Variants in TRHDE observed in about 807,000 individuals in gnomAD.
TRHDE encodes thyrotropin releasing hormone degrading enzyme.
In TRHDE, 72 loss-of-function variants were observed where a neutral mutation model predicts 125.7. The ratio of observed to expected loss-of-function variants is 0.57; its 90% confidence interval spans 0.47 to 0.70. The LOEUF (loss-of-function observed/expected upper bound fraction) is 0.70. Among genes scored for constraint, TRHDE ranks in the 30% least tolerant of loss-of-function variants. The probability of loss-of-function intolerance (pLI) is 0.00; values close to 1 mark genes in which losing one functional copy is unlikely to be tolerated. For missense variants in TRHDE, 1,110 were observed against 1,327.1 expected, an observed-to-expected ratio of 0.84 and a Z score of 2.54; for synonymous variants, 509 against 509.1, an observed-to-expected ratio of 1.00 and a Z score of 0.00.
At chr12:72,121,288 G>C (rs948578706) in intron 2 of TRHDE, among the ~76,000 whole-genome samples, 1 of 152,126 alleles carries the variant, frequency 6.6e-6, no homozygotes, top group Non-Finnish European at 1.5e-5. Context: ...ACCAAGACTT[G>C]TACAGGAATT....
chr12:72,216,310 A>G (rs940879640), intron 2 of TRHDE, among the ~76,000 whole-genome samples: 3 of 148,170 alleles, frequency 2.0e-5, no homozygotes, highest in Admixed American at 6.7e-5. Flanking sequence ...TTTACTGAGC[A>G]TTGTCAACCC....
chr12:72,371,459 T>C lies in TRHDE; in HGVS notation c.1189-6536T>C, dbSNP rs533415619. Among the ~76,000 whole-genome samples the C allele has an allele frequency of 2.0e-5, 3 of 151,906 alleles. No homozygotes were observed. The East Asian group carries it at 5.8e-4, about 29-fold the overall frequency. Reference sequence around the variant, plus strand: ...ACAATGTGCAGGTTAGTTATATATGTATACATGTGCCATGCTGGTGTGCTG... The same window carrying C: ...ACAATGTGCAGGTTAGTTATATATGCATACATGTGCCATGCTGGTGTGCTG... On this transcript the variant is annotated intron_variant, in intron 2 of 18. Transcript: ENST00000261180.
intron 6 of TRHDE, among the ~76,000 whole-genome samples, chr12:72,501,618 T>A (rs1033571086): frequency 2.0e-5 from 3 of 152,112 alleles, no homozygotes; most frequent in African/African-American, 7.2e-5. Flanking sequence ...AAATTTTGCA[T>A]CTGGGCTAAT....
At chr12:72,525,957 T>C (rs1868328936) in intron 6 of TRHDE, among the ~76,000 whole-genome samples, 1 of 152,150 alleles carries the variant, frequency 6.6e-6, no homozygotes, top group Non-Finnish European at 1.5e-5. Flanking sequence ...CTGCGGTCGT[T>C]ATTTAACTCC....
chr12:72,526,836 T>C (rs1343860170), intron 6 of TRHDE, among the ~76,000 whole-genome samples: 1 of 152,084 alleles, frequency 6.6e-6, no homozygotes, highest in East Asian at 1.9e-4. Flanking sequence ...ATTAAGTGGA[T>C]GAGATTAAGA....
intron 10 of TRHDE, among the ~76,000 whole-genome samples, chr12:72,572,983 T>G (rs543655572): frequency 1.3e-5 from 2 of 152,100 alleles, no homozygotes; most frequent in Admixed American, 6.5e-5. Context: ...ACTTGGTGCT[T>G]TAACATTATA....
At chr12:72,570,887 A>G (rs1870693010) in intron 10 of TRHDE, among the ~76,000 whole-genome samples, 1 of 152,206 alleles carries the variant, frequency 6.6e-6, no homozygotes, top group African/African-American at 2.4e-5. Flanking sequence ...CATTTTAATG[A>G]AAAAGGACAC....
Position 72,520,644 on chromosome 12 carries a change from A to G in TRHDE, c.1722+21009A>G, listed in dbSNP as rs147108760. ...GGAGCTGTAGACTGGAGCTGTTCCT[A>G]TTCGGCCATCTTCTTCACTTACTTT... On this transcript the variant is annotated intron_variant, in intron 6 of 18. Transcript: ENST00000261180. Among the ~76,000 whole-genome samples the G allele has an allele frequency of 6.4e-3, 976 of 152,204 alleles. 7 individuals are homozygous for G. The highest frequency in any genetic ancestry group is 0.012 in the Non-Finnish European group (791 of 68,002).
chr12:72,088,449 C>T (rs1009461253), intron 1 of TRHDE, among the ~76,000 whole-genome samples: 1 of 151,684 alleles, frequency 6.6e-6, no homozygotes, highest in Non-Finnish European at 1.5e-5. Flanking sequence ...TATTAAAAAC[C>T]TAATATTTTT....
At chr12:72,384,348 C>T (rs1281224848) in intron 3 of TRHDE, among the ~76,000 whole-genome samples, 1 of 152,086 alleles carries the variant, frequency 6.6e-6, no homozygotes, top group Non-Finnish European at 1.5e-5. Context: ...ACTAGAATTT[C>T]TGCCCTCAAG....
At chr12:72,338,496 A>C (rs1869932614) in intron 2 of TRHDE, among the ~76,000 whole-genome samples, 1 of 152,160 alleles carries the variant, frequency 6.6e-6, no homozygotes, top group Non-Finnish European at 1.5e-5. Flanking sequence ...CAGGGGACAG[A>C]AGTACTTTGC....
intron 5 of TRHDE, among the ~76,000 whole-genome samples, chr12:72,482,656 T>C (rs1484447086): frequency 2.0e-5 from 3 of 151,926 alleles, no homozygotes; most frequent in African/African-American, 7.2e-5. Context: ...TTGATTGTAG[T>C]GGCAGTGGTG....
Position 72,669,983 on chromosome 12 carries a change from A to G in TRHDE, c.*6788A>G, listed in dbSNP as rs912402425. On this transcript the variant is annotated 3_prime_UTR_variant, in exon 19 of 19. Transcript: ENST00000261180. ...TCTAGTTACTTGAACAATAAGAGAA[A>G]TTCTATCTTTGAGCTTTCATAATTG... The G allele has an allele frequency of 4.6e-5, 7 of 151,766 alleles. No homozygotes were observed. The highest frequency in any genetic ancestry group is 7.4e-5 in the Non-Finnish European group (5 of 67,788). The allele number at this position is 151,766 out of a possible 1,614,324, so 9.4% of individuals were successfully genotyped here.
chr12:72,332,435 G>A (rs143994322), intron 2 of TRHDE, among the ~76,000 whole-genome samples: 33 of 152,152 alleles, frequency 2.2e-4, no homozygotes, highest in South Asian at 2.1e-3. Flanking sequence ...CACTGCGCTC[G>A]GCCCCAAACT....
intron 12 of TRHDE, among the ~76,000 whole-genome samples, chr12:72,607,756 T>G (rs1872507127): frequency 6.6e-6 from 1 of 152,174 alleles, no homozygotes; most frequent in Non-Finnish European, 1.5e-5. Flanking sequence ...AAGTTGGTTT[T>G]AGAGCACAGA....
intron 2 of TRHDE, among the ~76,000 whole-genome samples, chr12:72,313,187 GC>G (rs1332833619): frequency 6.6e-6 from 1 of 151,974 alleles, no homozygotes; most frequent in Non-Finnish European, 1.5e-5. Flanking sequence ...AAAATATTTG[GC>G]TAGTTTCAGC....
intron 2 of TRHDE, among the ~76,000 whole-genome samples, chr12:72,115,909 G>A (rs1875432227): frequency 6.6e-6 from 1 of 152,060 alleles, no homozygotes; most frequent in African/African-American, 2.4e-5. Context: ...TGTTACATAG[G>A]TATACATGTG....
At chr12:72,297,571 G>C (rs1407509517) in intron 2 of TRHDE, among the ~76,000 whole-genome samples, 7 of 152,166 alleles carry the variant, frequency 4.6e-5, no homozygotes, top group Non-Finnish European at 1.0e-4. Flanking sequence ...TCAGGCTTCA[G>C]ATTCATGAAA....
At chr12:72,612,072 C>T (rs1277162966) in intron 12 of TRHDE, among the ~76,000 whole-genome samples, 1 of 152,200 alleles carries the variant, frequency 6.6e-6, no homozygotes, top group Non-Finnish European at 1.5e-5. Context: ...AACTCCACTG[C>T]AGCTACAAAG....
Sources: allele counts gnomAD v4.1 joint callset (sites outside exome capture counted in the v4.1 genomes callset), GRCh38; gene constraint gnomAD v4.1.1; transcripts MANE v1.5; gene names NCBI Gene and HGNC (gene_info 2026-07-23, HGNC 2026-07-21).